The following IL6ST variants were observed in gnomAD, a reference collection of about 807,000 sequenced individuals.
IL6ST encodes interleukin-6 receptor subunit beta.
Under a neutral mutation model 91.3 loss-of-function variants are expected in IL6ST, and 24 were observed. The observed-to-expected ratio is 0.26, with a 90% CI of 0.19 to 0.37. IL6ST has a LOEUF of 0.37. Among genes scored for constraint, IL6ST ranks in the 10% least tolerant of loss-of-function variants. The pLI is 1.00. For synonymous variants in IL6ST, 351 were observed against 373.6 expected, an observed-to-expected ratio of 0.94 and a Z score of 0.70; for missense variants, 914 against 1,078.5, an observed-to-expected ratio of 0.85 and a Z score of 2.14.
At chr5:55,984,940 G>A (rs561130468) in intron 1 of IL6ST, among the ~76,000 whole-genome samples, 64 of 152,338 alleles carry the variant, frequency 4.2e-4, no homozygotes, top group African/African-American at 1.5e-3. Context: ...AGAGTGGAAT[G>A]GCTAGGCCCT....
At position 55,936,054 on chromosome 5, in the gene IL6ST, G is replaced by C. The variant is rs559033495; in HGVS notation, c.*5028C>G. 1.0e-3 allele frequency: 236 copies of C among 227,796 alleles called. No homozygotes were observed. The highest frequency in any genetic ancestry group is 2.4e-3 in the South Asian group (13 of 5,478). The allele number at this position is 227,796 out of a possible 1,614,324, so 14.1% of individuals were successfully genotyped here. A position where few individuals can be genotyped will look rare whatever the true frequency, so the allele number is the denominator to read the frequency against. ...TATATATGTGAAGGAGTTACTGTTGGCTGGCTTGTGGGTTTTTTGACTCAC... is the reference window on the plus strand; with the variant it reads ...TATATATGTGAAGGAGTTACTGTTGCCTGGCTTGTGGGTTTTTTGACTCAC... On this transcript the variant is annotated 3_prime_UTR_variant, in exon 17 of 17. Transcript: ENST00000381298.
Position 55,941,696 on chromosome 5 carries a change from T to G in IL6ST, c.2143A>C (p.Lys715Gln). Residue 715 changes from lysine to glutamine, a missense_variant, in exon 17 of 17, where the codon AAA becomes CAA. Lys to Gln is a moderately conservative substitution (Grantham distance 53). Transcript: ENST00000381298. ...PEDLKSLDLFKKEKINTEGHS... is the reference protein window; with the variant it reads ...PEDLKSLDLFQKEKINTEGHS... ...CCTTCAGTATTAATTTTTTCCTTTT[T>G]GAACAGGTCCAATGATTTCAGATCT... is the stretch of plus-strand genomic sequence containing the variant. 1.2e-6 allele frequency: 2 copies of G among 1,614,078 alleles called. No individual in the cohort carries two copies. Among genetic ancestry groups the G allele is most frequent in the Non-Finnish European group, 8.5e-7 (1 of 1,180,020 alleles).
chr5:55,943,907 C>A (rs1409332530), intron 15 of IL6ST, among the ~76,000 whole-genome samples: 6 of 152,004 alleles, frequency 3.9e-5, no homozygotes, highest in African/African-American at 1.2e-4. Flanking sequence ...CCCATCTCTA[C>A]TAAACTAAAA....
rs1328762672 is a variant in IL6ST, at chr5:55,941,398, T to C, written c.2441A>G (p.Tyr814Cys). Reference protein sequence around the residue: ...GGDGILPRQQYFKQNCSQHES... With the variant: ...GGDGILPRQQCFKQNCSQHES... ...ATGCTGACTGCAGTTCTGTTTGAAGTACTGTTGCCTGGGCAAAATACCATC... is the reference window on the plus strand; with the variant it reads ...ATGCTGACTGCAGTTCTGTTTGAAGCACTGTTGCCTGGGCAAAATACCATC... The change falls in exon 17 of 17, where the codon TAC becomes TGC. Residue 814 changes from tyrosine to cysteine, a missense_variant. Tyr to Cys is a radical substitution (Grantham distance 194). Coordinates refer to ENST00000381298, the MANE Select transcript of IL6ST (RefSeq NM_002184.4). 1.2e-5 allele frequency: 20 copies of C among 1,614,054 alleles called. No homozygotes were observed. The highest frequency in any genetic ancestry group is 1.7e-5 in the Non-Finnish European group (20 of 1,179,996).
chr5:55,958,566 G>A (rs1752119880), intron 8 of IL6ST, among the ~76,000 whole-genome samples: 1 of 152,070 alleles, frequency 6.6e-6, no homozygotes, highest in Non-Finnish European at 1.5e-5. Flanking sequence ...GGCTGGGTGT[G>A]GTGGCTCGTG....
At chr5:55,959,616 A>T in intron 8 of IL6ST, 1 of 1,283,896 alleles carries the variant, frequency 7.8e-7, no homozygotes, top group Non-Finnish European at 1.0e-6. Flanking sequence ...AAAGGAAAAT[A>T]AAAACTAACC....
intron 5 of IL6ST, among the ~76,000 whole-genome samples, chr5:55,964,699 AGGGGT>A (rs1752540910): frequency 6.6e-6 from 1 of 152,096 alleles, no homozygotes; most frequent in Non-Finnish European, 1.5e-5. Context: ...ACAGGAGGTT[AGGGGT>A]AAGAATTTCT....
Position 55,978,301 on chromosome 5 carries a change from C to T in IL6ST, c.-15-2008G>A, listed in dbSNP as rs181002840. The T allele has an allele frequency of 2.0e-5, 3 of 152,328 alleles. No homozygotes were observed. The East Asian group carries it at 5.8e-4, about 29-fold the overall frequency. 9.4% of individuals were successfully genotyped at this position (152,328 alleles called of 1,614,324 possible). A position where few individuals can be genotyped will look rare whatever the true frequency, so the allele number is the denominator to read the frequency against. ...AAAGAAAGACAGATCTTAAGTAACCCTAAACTTGAAAAATATGCAGGAAGC... is the reference window on the plus strand; with the variant it reads ...AAAGAAAGACAGATCTTAAGTAACCTTAAACTTGAAAAATATGCAGGAAGC... On this transcript the variant is annotated intron_variant, in intron 2 of 16. Coordinates refer to ENST00000381298, the MANE Select transcript of IL6ST (RefSeq NM_002184.4).
At position 55,964,318 on chromosome 5, in the gene IL6ST, T is replaced by A; in HGVS notation, c.492-6A>T. The A allele has an allele frequency of 6.3e-7, 1 of 1,593,580 alleles. No individual in the cohort carries two copies. The highest frequency in any genetic ancestry group is 1.1e-5 in the South Asian group (1 of 87,656). On this transcript the variant is annotated splice_polypyrimidine_tract_variant and splice_region_variant and intron_variant, in intron 5 of 16. Coordinates refer to ENST00000381298, the MANE Select transcript of IL6ST (RefSeq NM_002184.4). Reference sequence around the variant, plus strand: ...CAGCAAACTTGTGTGTTGCCCTAAATACAAAAAATTGAAGAATCAGTCATT... The same window carrying A: ...CAGCAAACTTGTGTGTTGCCCTAAAAACAAAAAATTGAAGAATCAGTCATT...
intron 5 of IL6ST, among the ~76,000 whole-genome samples, chr5:55,965,294 G>C (rs1270170395): frequency 6.6e-6 from 1 of 152,102 alleles, no homozygotes; most frequent in Non-Finnish European, 1.5e-5. Flanking sequence ...TAAAGCAAAT[G>C]AATAATTATG....
chr5:55,974,956 TACACAC>T (rs3039924), intron 3 of IL6ST, among the ~76,000 whole-genome samples: 290 of 114,624 alleles, frequency 2.5e-3, no homozygotes, highest in African/African-American at 7.6e-3. Flanking sequence ...CACACACACA[TACACAC>T]ACACACACAC....
At position 55,935,564 on chromosome 5, in the gene IL6ST, A is replaced by T; in HGVS notation, c.*5518T>A. The stretch of plus-strand genomic sequence containing the variant: ...CCCCGATCAGCAGCAACAGGACTCA[A>T]GCTGTTCACCCTGCTTTCGAGTTGG... On this transcript the variant is annotated 3_prime_UTR_variant, in exon 17 of 17. Coordinates refer to ENST00000381298, the MANE Select transcript of IL6ST (RefSeq NM_002184.4). 1 of 218,766 alleles carries T rather than the reference A, an allele frequency of 4.6e-6. No homozygotes were observed. The highest frequency in any genetic ancestry group is 9.2e-6 in the Non-Finnish European group (1 of 108,984). 13.6% of individuals were successfully genotyped at this position (218,766 alleles called of 1,614,324 possible).
chr5:55,976,523 GAGATA>G (rs1753300055), intron 2 of IL6ST, among the ~76,000 whole-genome samples: 1 of 152,156 alleles, frequency 6.6e-6, no homozygotes, highest in African/African-American at 2.4e-5. Context: ...TTAATTAAAA[GAGATA>G]TCTTGTTTCT....
Position 55,964,329 on chromosome 5 carries a change from G to T in IL6ST, c.492-17C>A, listed in dbSNP as rs373450860. The T allele has an allele frequency of 1.3e-6, 2 of 1,580,752 alleles. No individual in the cohort carries two copies. The highest frequency in any genetic ancestry group is 1.7e-6 in the Non-Finnish European group (2 of 1,161,588). Reference sequence around the variant, plus strand: ...TGTGTTGCCCTAAATACAAAAAATTGAAGAATCAGTCATTAAAAACACATC... The same window carrying T: ...TGTGTTGCCCTAAATACAAAAAATTTAAGAATCAGTCATTAAAAACACATC... On this transcript the variant is annotated splice_polypyrimidine_tract_variant and intron_variant, in intron 5 of 16. Transcript: ENST00000381298.
At chr5:55,962,269 G>A (rs1752364780) in intron 7 of IL6ST, among the ~76,000 whole-genome samples, 1 of 152,084 alleles carries the variant, frequency 6.6e-6, no homozygotes, top group Admixed American at 6.5e-5. Flanking sequence ...TTAGATAAGT[G>A]GGGTAAGGAG....
At position 55,937,989 on chromosome 5, in the gene IL6ST, T is replaced by C. The variant is rs1750643223; in HGVS notation, c.*3093A>G. ...TTCTATGATTATTCTACTTCTACAT[T>C]TACATGTCATGGTTTTAACTAGTTA... On this transcript the variant is annotated 3_prime_UTR_variant, in exon 17 of 17. Transcript: ENST00000381298. 5.2e-6 allele frequency: 1 copy of C among 192,818 alleles called. No individual in the cohort carries two copies. The highest frequency in any genetic ancestry group is 1.1e-5 in the Non-Finnish European group (1 of 92,348). The allele number at this position is 192,818 out of a possible 1,614,324, so 11.9% of individuals were successfully genotyped here.
Position 55,968,271 on chromosome 5 carries a change from C to T in IL6ST, c.491+5G>A, listed in dbSNP as rs755812537. ...CTAACATGAAACAAATTTAAAATAA[C>T]GTACCATTCAGATTTTAAAGTGAAG... On this transcript the variant is annotated splice_donor_5th_base_variant and intron_variant, in intron 5 of 16. Coordinates refer to ENST00000381298, the MANE Select transcript of IL6ST (RefSeq NM_002184.4). The T allele has an allele frequency of 6.4e-6, 10 of 1,573,856 alleles. No homozygotes were observed. Among genetic ancestry groups the T allele is most frequent in the African/African-American group, 1.4e-5 (1 of 71,642 alleles).
Position 55,952,298 on chromosome 5 carries a change from C to G in IL6ST, c.1504G>C (p.Asp502His). The part of the protein sequence containing the change: ...YLITVTPVYA[D>H]GPGSPESIKA... The stretch of plus-strand genomic sequence containing the variant: ...ATGGATTCAGGGCTTCCTGGTCCAT[C>G]AGCATATACTGGAGTAACTGTTATC... Residue 502 changes from aspartate (D) to histidine (H), a missense_variant, in exon 12 of 17, where the codon GAT becomes CAT. By Grantham distance (81) the Asp-to-His change is moderately conservative. Transcript: ENST00000381298. 6.2e-7 allele frequency: 1 copy of G among 1,610,918 alleles called. No homozygotes were observed. The highest frequency in any genetic ancestry group is 8.5e-7 in the Non-Finnish European group (1 of 1,177,674).
At chr5:55,964,930 A>T (rs988955602) in intron 5 of IL6ST, among the ~76,000 whole-genome samples, 2 of 152,188 alleles carry the variant, frequency 1.3e-5, no homozygotes, top group Admixed American at 1.3e-4. Context: ...GAACCAAAAC[A>T]AAAATGGTTA....
Sources: gnomAD v4.1 joint callset for allele counts (sites outside exome capture counted in the v4.1 genomes callset) on GRCh38, gnomAD v4.1.1 for gene constraint, MANE v1.5 for transcripts, NCBI Gene and HGNC (gene_info 2026-07-23, HGNC 2026-07-21) for gene names.